The following BCOR variants were observed in gnomAD, a reference collection of about 807,000 sequenced individuals.
BCOR encodes BCL-6 corepressor.
BCOR carries 10 observed loss-of-function variants against 86.7 expected under a neutral mutation model. The ratio of observed to expected loss-of-function variants is 0.12; its 90% CI spans 0.07 to 0.20. The LOEUF (loss-of-function observed/expected upper bound fraction) is 0.20. Ranked by LOEUF, BCOR falls within the 10% of genes least tolerant of loss-of-function variation. The pLI is 1.00. For synonymous variants in BCOR, 611 were observed against 609.0 expected (o/e 1.00, Z -0.05); for missense variants, 1,259 against 1,452.1 (o/e 0.87, Z 2.16).
At chrX:40,113,810 TTTTCTTTC>T (rs200935908) in intron 1 of BCOR, among the ~76,000 whole-genome samples, 5 of 109,004 alleles carry the variant, frequency 4.6e-5, no homozygotes, top group African/African-American at 1.8e-4. Context: ...AATACTTTTT[TTTTCTTTC>T]TTTCTTTCTT....
At chrX:40,084,278 C>G (rs1219691257) in intron 1 of BCOR, among the ~76,000 whole-genome samples, 1 of 112,219 alleles carries the variant, frequency 8.9e-6, no homozygotes, top group Non-Finnish European at 1.9e-5. Context: ...CCCCCAACCT[C>G]TCTCTCACAG....
chrX:40,095,350 G>A (rs1303011815), intron 1 of BCOR, among the ~76,000 whole-genome samples: 1 of 111,310 alleles, frequency 9.0e-6, no homozygotes, highest in Non-Finnish European at 1.9e-5. Flanking sequence ...TGGCAAAACC[G>A]AACCCAACAC....
At chrX:40,174,876 A>C (rs961375342) in intron 1 of BCOR, among the ~76,000 whole-genome samples, 3 of 113,113 alleles carry the variant, frequency 2.7e-5, no homozygotes, top group African/African-American at 9.6e-5. Context: ...AACGTGTATT[A>C]GATTGAAACA....
intron 1 of BCOR, among the ~76,000 whole-genome samples, chrX:40,174,767 C>T (rs1184701571): frequency 8.9e-6 from 1 of 112,859 alleles, no homozygotes; most frequent in Non-Finnish European, 1.9e-5. Flanking sequence ...CGATAGTGCT[C>T]AGCCCCGCAC....
chrX:40,064,624 A>AT lies in BCOR; in HGVS notation c.3239-26dup, dbSNP rs769142521. ...CCTGGGGGAGGGGAGACAAGAGGGC[A>AT]TTAATGAAGCCCGAAGGTCGCCATG... is the stretch of plus-strand genomic sequence containing the variant. On this transcript the variant is annotated intron_variant, in intron 6 of 14. Coordinates refer to ENST00000378444, the MANE Select transcript of BCOR (RefSeq NM_001123385.2). 4 of 1,209,304 alleles carry AT rather than the reference A, an allele frequency of 3.3e-6. No homozygotes were observed. In the African/African-American group the frequency reaches 7.0e-5, roughly 21 times the overall value.
intron 1 of BCOR, among the ~76,000 whole-genome samples, chrX:40,105,465 C>T (rs972827244): frequency 8.9e-5 from 10 of 112,342 alleles, no homozygotes; most frequent in African/African-American, 2.6e-4. Context: ...CCCCAGGCGA[C>T]CACCCGGGCC....
intron 1 of BCOR, among the ~76,000 whole-genome samples, chrX:40,140,823 A>G (rs1424333951): frequency 8.8e-6 from 1 of 113,336 alleles, no homozygotes; most frequent in Admixed American, 9.3e-5. Flanking sequence ...TGCCACACTT[A>G]TGACAAGTGA....
At chrX:40,171,699 A>G (rs1439847346) in intron 1 of BCOR, among the ~76,000 whole-genome samples, 2 of 113,010 alleles carry the variant, frequency 1.8e-5, no homozygotes, top group East Asian at 5.6e-4. Context: ...GAGCGAGACC[A>G]GAGCGCAGTT....
At chrX:40,128,221 T>A (rs1480780122) in intron 1 of BCOR, among the ~76,000 whole-genome samples, 1 of 107,868 alleles carries the variant, frequency 9.3e-6, no homozygotes, top group East Asian at 2.9e-4. Flanking sequence ...TGAGACTCCT[T>A]CTAAAAAACA....
intron 1 of BCOR, among the ~76,000 whole-genome samples, chrX:40,089,479 C>T (rs1450406072): frequency 9.0e-6 from 1 of 111,724 alleles, no homozygotes; most frequent in Non-Finnish European, 1.9e-5. Context: ...TGTTTAACAC[C>T]TATGTTACTT....
chrX:40,172,334 C>A (rs1001190988), intron 1 of BCOR, among the ~76,000 whole-genome samples: 1 of 112,514 alleles, frequency 8.9e-6, no homozygotes, highest in African/African-American at 3.2e-5. Flanking sequence ...CAGCAGCCGT[C>A]ATTTCCCGGG....
At chrX:40,082,909 G>T (rs1216612034) in intron 1 of BCOR, among the ~76,000 whole-genome samples, 2 of 111,143 alleles carry the variant, frequency 1.8e-5, no homozygotes, top group Non-Finnish European at 1.9e-5. Flanking sequence ...TCCTGCGGGG[G>T]AGGCTGAGGC....
At chrX:40,115,850 T>C (rs1333719521) in intron 1 of BCOR, among the ~76,000 whole-genome samples, 1 of 111,122 alleles carries the variant, frequency 9.0e-6, no homozygotes, top group Non-Finnish European at 1.9e-5. Context: ...TAGATTCTGT[T>C]TGAAAAATAC....
chrX:40,099,026 C>G (rs1175590999), upstream of BCOR, among the ~76,000 whole-genome samples: 1 of 113,242 alleles, frequency 8.8e-6, no homozygotes, highest in Non-Finnish European at 1.9e-5. Context: ...GGGAGATTAT[C>G]TCCCGCGTTT....
intron 1 of BCOR, among the ~76,000 whole-genome samples, chrX:40,083,030 G>A (rs1419090459): frequency 9.2e-6 from 1 of 108,595 alleles, no homozygotes; most frequent in Non-Finnish European, 1.9e-5. Flanking sequence ...GCTCCAAACA[G>A]AGACTGCGTC....
intron 1 of BCOR, among the ~76,000 whole-genome samples, chrX:40,141,459 C>G (rs1418619976): frequency 2.7e-5 from 3 of 112,500 alleles, no homozygotes; most frequent in Non-Finnish European, 5.6e-5. Context: ...TGTGATCACA[C>G]TGAGAGCGCC....
In BCOR at chrX:40,074,368, C is replaced by T. The variant is rs751650335; in HGVS notation, c.978G>A (p.Pro326=). The T allele has an allele frequency of 8.6e-5, 104 of 1,209,727 alleles. 1 individual carries two copies. The Admixed American group carries it at 1.4e-3, about 16-fold the overall frequency. ...PSAKAVTSGL[P]GDTALLLPPS... is the part of the protein sequence containing the mutation. ...GGGGCAACAGGAGAGCTGTGTCCCC[C>T]GGCAGGCCACTGGTGACCGCCTTGG... The change falls in exon 4 of 15, where the codon CCG becomes CCA. Residue 326 remains proline (P), a synonymous_variant. Transcript: ENST00000378444.
Position 40,072,460 on chromosome X carries a change from C to T in BCOR, c.2886G>A (p.Leu962=), listed in dbSNP as rs1935522670. The change falls in exon 4 of 15, where the codon CTG becomes CTA. Residue 962 remains leucine (L), a synonymous_variant. Coordinates refer to ENST00000378444, the MANE Select transcript of BCOR (RefSeq NM_001123385.2). ...GKVLKPKPSK[L]AKRIANSAGY... is the part of the protein sequence containing the mutation. ...CCGCTGAGTTGGCGATTCTCTTTGC[C>T]AGCTTAGATGGCTTCGGTTTCAGAA... The T allele has an allele frequency of 3.3e-6, 4 of 1,211,661 alleles. No homozygotes were observed. The East Asian group carries it at 1.2e-4, about 36-fold the overall frequency.
At chrX:40,139,775 C>T (rs188082994) in intron 1 of BCOR, among the ~76,000 whole-genome samples, 58 of 98,441 alleles carry the variant, frequency 5.9e-4, no homozygotes, top group Admixed American at 3.7e-3. Context: ...CGTGCCACTG[C>T]GCTCCAGCCT....
Sources: allele counts gnomAD v4.1 joint callset (sites outside exome capture counted in the v4.1 genomes callset), GRCh38; gene constraint gnomAD v4.1.1; transcripts MANE v1.5; gene names NCBI Gene and HGNC (gene_info 2026-07-23, HGNC 2026-07-21).